Variants in RANGAP1 observed in about 807,000 individuals in gnomAD.
RANGAP1 encodes Ran GTPase activating protein 1.
Under a neutral mutation model 63.5 loss-of-function variants are expected in RANGAP1, and 38 were observed. The observed-to-expected ratio is 0.60, with a 90% CI of 0.46 to 0.78. RANGAP1 has a LOEUF of 0.78. Ranked by LOEUF, RANGAP1 falls within the 30% of genes least tolerant of loss-of-function variation. The pLI, the probability that RANGAP1 is intolerant of heterozygous loss-of-function variation, is 0.00. For synonymous variants in RANGAP1, 329 were observed against 310.5 expected (o/e 1.06, Z -0.63); for missense variants, 630 against 740.3 (o/e 0.85, Z 1.73).
chr22:41,268,238 C>T (rs1029741135), intron 3 of RANGAP1, 82 bp from the exon 4 acceptor site: 1 of 1,164,002 alleles, frequency 8.6e-7, no homozygotes, highest in African/African-American at 1.5e-5. Context: ...TGGATTTGAA[C>T]TACCAGAGCA....
intron 15 of RANGAP1, among the ~76,000 whole-genome samples, chr22:41,247,135 A>C (rs1349183840): frequency 6.6e-6 from 1 of 151,526 alleles, no homozygotes; most frequent in Non-Finnish European, 1.5e-5. Flanking sequence ...GGCTCACTGC[A>C]AGCTCCGCCT....
intron 4 of RANGAP1, among the ~76,000 whole-genome samples, chr22:41,266,047 A>C (rs2034452021): frequency 6.6e-6 from 1 of 152,014 alleles, no homozygotes; most frequent in Non-Finnish European, 1.5e-5. Context: ...CTAAAAATAC[A>C]AAAAATTAGC....
intron 3 of RANGAP1, among the ~76,000 whole-genome samples, chr22:41,268,753 TAAAC>T (rs1271493115): frequency 6.6e-6 from 1 of 151,546 alleles, no homozygotes; most frequent in East Asian, 2.0e-4. Context: ...AACATGAACA[TAAAC>T]AACACAGAAT....
chr22:41,253,094 C>A, intron 11 of RANGAP1, 103 bp from the exon 12 acceptor site: 1 of 1,182,830 alleles, frequency 8.5e-7, no homozygotes. Context: ...TTCACTCCAG[C>A]CCATCTAGGC....
chr22:41,289,384 GGGC>G (rs922009701), upstream of RANGAP1, among the ~76,000 whole-genome samples: 2 of 152,010 alleles, frequency 1.3e-5, no homozygotes, highest in Non-Finnish European at 2.9e-5. Context: ...CACTTCGGGA[GGGC>G]GAGGCAGGTG....
chr22:41,265,893 C>T (rs1183683071), intron 4 of RANGAP1, among the ~76,000 whole-genome samples: 1 of 152,180 alleles, frequency 6.6e-6, no homozygotes, highest in Non-Finnish European at 1.5e-5. Flanking sequence ...CTCTCGTTGC[C>T]CTACCCACAG....
Position 41,264,703 on chromosome 22 carries a change from G to C in RANGAP1, c.441C>G (p.Leu147=). The change falls in exon 5 of 16, where the codon CTC becomes CTG. Residue 147 remains leucine (L), a synonymous_variant. Coordinates refer to ENST00000356244, the MANE Select transcript of RANGAP1 (RefSeq NM_002883.4). ...KSSACFTLQE[L]KLNNCGMGIG... is the part of the protein sequence containing the mutation. ...TGCCCATGCCACAGTTGTTGAGCTT[G>C]AGTTCCTGCAGGGTGAAGCAGGCTG... 3.7e-6 allele frequency: 6 copies of C among 1,613,668 alleles called. No homozygotes were observed. Among genetic ancestry groups the C allele is most frequent in the Non-Finnish European group, 5.1e-6 (6 of 1,179,568 alleles).
At chr22:41,271,385 CT>C in intron 3 of RANGAP1, among the ~76,000 whole-genome samples, 1 of 73,910 alleles carries the variant, frequency 1.4e-5, no homozygotes, top group Middle Eastern at 9.6e-3. Context: ...GAAACTGTCT[CT>C]AAAAAAAAAC....
rs192437267 is a variant in RANGAP1 at position 41,281,219 on chromosome 22, G to C, written c.-38-137C>G. ...AGACCCTAGAGATAAATCACTGGAA[G>C]AAAGGAAAACAGCATCAGAGAAGGA... On this transcript the variant is annotated intron_variant, in intron 1 of 15. Coordinates refer to ENST00000356244, the MANE Select transcript of RANGAP1 (RefSeq NM_002883.4). 70 of 1,033,728 alleles carry C rather than the reference G, an allele frequency of 6.8e-5. No individual in the cohort carries two copies. In the Admixed American group the frequency reaches 2.2e-3, roughly 33 times the overall value. 64.0% of individuals were successfully genotyped at this position (1,033,728 alleles called of 1,614,324 possible). A position where few individuals can be genotyped will look rare whatever the true frequency, so the allele number is the denominator to read the frequency against.
the RANGAP1 span, among the ~76,000 whole-genome samples, chr22:41,292,112 T>C: frequency 6.6e-6 from 1 of 151,220 alleles, no homozygotes; most frequent in African/African-American, 2.4e-5. Context: ...AATTTTTGTA[T>C]TTTCATTGTA....
At chr22:41,285,523 A>G (rs2035708140) in intron 1 of RANGAP1, 1 of 985,496 alleles carries the variant, frequency 1.0e-6, no homozygotes. Context: ...ATGCTCCTGC[A>G]AAGCGTCAGC....
At chr22:41,292,057 C>A in the RANGAP1 span, among the ~76,000 whole-genome samples, 1 of 151,884 alleles carries the variant, frequency 6.6e-6, no homozygotes, top group African/African-American at 2.4e-5. Context: ...CTGCTTCAGC[C>A]TCCTGAGTAG....
intron 2 of RANGAP1, among the ~76,000 whole-genome samples, chr22:41,277,269 G>A (rs2035211660): frequency 1.3e-5 from 2 of 151,610 alleles, no homozygotes; most frequent in African/African-American, 2.4e-5. Context: ...TAGTAGAGAC[G>A]GGGTTTCACC....
At chr22:41,272,823 CTTTTTT>C (rs1335945182) in intron 3 of RANGAP1, among the ~76,000 whole-genome samples, 2 of 147,956 alleles carry the variant, frequency 1.4e-5, no homozygotes, top group African/African-American at 2.5e-5. Context: ...TTTTTTTTTT[CTTTTTT>C]TGAGACAGGG....
chr22:41,274,717 C>G lies in RANGAP1; in HGVS notation c.123G>C (p.Val41=). ...TGTCAAAGTCTTCAATCTCTTTAAT[C>G]ACATCTTTAGCTGCCAGGGACCAAA... ...KLNTAEDAKD[V]IKEIEDFDSL... is the part of the protein sequence containing the mutation. The change falls in exon 3 of 16, where the codon GTG becomes GTC. Residue 41 remains valine (V), a synonymous_variant. Transcript: ENST00000356244. 2 of 1,614,094 alleles carry G rather than the reference C, an allele frequency of 1.2e-6. No homozygotes were observed. The highest frequency in any genetic ancestry group is 1.7e-6 in the Non-Finnish European group (2 of 1,179,998).
chr22:41,279,636 T>C (rs2035373464), intron 2 of RANGAP1, among the ~76,000 whole-genome samples: 1 of 150,386 alleles, frequency 6.6e-6, no homozygotes, highest in Non-Finnish European at 1.5e-5. Flanking sequence ...AGCAAGACTA[T>C]GTCTCAAAAA....
intron 3 of RANGAP1, 56 bp downstream of exon 3, chr22:41,274,544 G>A: frequency 6.2e-7 from 1 of 1,603,996 alleles, no homozygotes; most frequent in Non-Finnish European, 8.5e-7. Flanking sequence ...GGTTGTGGAA[G>A]TGTGAACAGA....
chr22:41,252,537 TG>T (rs750242356), intron 12 of RANGAP1, among the ~76,000 whole-genome samples: 2 of 152,072 alleles, frequency 1.3e-5, no homozygotes, highest in Admixed American at 6.6e-5. Context: ...GCAACAGAGT[TG>T]TTCTCGAAGC....
upstream of RANGAP1, among the ~76,000 whole-genome samples, chr22:41,289,380 G>C (rs553676590): frequency 3.9e-5 from 6 of 151,926 alleles, no homozygotes; most frequent in Non-Finnish European, 8.8e-5. Flanking sequence ...CCAGCACTTC[G>C]GGAGGGCGAG....
Sources: gnomAD v4.1 joint callset for allele counts (sites outside exome capture counted in the v4.1 genomes callset) on GRCh38, gnomAD v4.1.1 for gene constraint, MANE v1.5 for transcripts, NCBI Gene and HGNC (gene_info 2026-07-23, HGNC 2026-07-21) for gene names.